Variants in GBF1 observed in about 807,000 individuals in gnomAD.
GBF1 encodes the protein Golgi-specific brefeldin A-resistance guanine nucleotide exchange factor 1.
A neutral mutation model predicts 210.5 loss-of-function variants in GBF1; 114 were observed. The observed-to-expected ratio is 0.54, with a 90% confidence interval of 0.47 to 0.63. The LOEUF (loss-of-function observed/expected upper bound fraction) is 0.63, where lower values mean the gene tolerates loss of function less well. Among genes scored for constraint, GBF1 ranks in the 30% least tolerant of loss-of-function variants. GBF1 has a pLI of 0.00. For synonymous variants in GBF1, 850 were observed against 889.2 expected (o/e 0.96, Z 0.78); for missense variants, 1,851 against 2,357.7 (o/e 0.79, Z 4.45).
rs1451300112 is a variant in GBF1, at chr10:102,368,763, C to T, written c.2904C>T (p.His968=). The T allele has an allele frequency of 2.5e-6, 4 of 1,613,180 alleles. No individual in the cohort carries two copies. Among genetic ancestry groups the T allele is most frequent in the Non-Finnish European group, 3.4e-6 (4 of 1,179,136 alleles). The change falls in exon 23 of 40, where the codon CAC becomes CAT. Residue 968 remains histidine (H), a synonymous_variant. Transcript: ENST00000369983. The part of the protein sequence containing the change: ...GFRKCAMISA[H]YGLSDVFDNL... Reference sequence around the variant, plus strand: ...GGAAGTGCGCCATGATCTCCGCCCACTATGGCCTCAGCGATGTGTTTGACA... The same window carrying T: ...GGAAGTGCGCCATGATCTCCGCCCATTATGGCCTCAGCGATGTGTTTGACA...
chr10:102,353,725 A>G, intron 8 of GBF1, 71 bp downstream of exon 8: 1 of 1,103,194 alleles, frequency 9.1e-7, no homozygotes, highest in East Asian at 2.4e-5. Context: ...CCTTGGGGTA[A>G]CCTTGCTTAG....
At chr10:102,278,047 A>G (rs2075148241) in intron 3 of GBF1, among the ~76,000 whole-genome samples, 1 of 152,126 alleles carries the variant, frequency 6.6e-6, no homozygotes, top group African/African-American at 2.4e-5. Context: ...GCTTGAGGCC[A>G]GGAGTTTGAG....
chr10:102,380,755 C>T (rs1229403293), intron 38 of GBF1, 69 bp downstream of exon 38: 1 of 1,328,030 alleles, frequency 7.5e-7, no homozygotes, highest in Non-Finnish European at 1.0e-6. Context: ...CACCTCTAAT[C>T]CCAGCACTTT....
chr10:102,289,067 C>T (rs1026313535), intron 3 of GBF1, among the ~76,000 whole-genome samples: 17 of 149,800 alleles, frequency 1.1e-4, no homozygotes, highest in Non-Finnish European at 1.9e-4. Context: ...CATGCCACTG[C>T]ACTCCAGTCT....
chr10:102,295,676 A>G (rs2076852461), intron 3 of GBF1, among the ~76,000 whole-genome samples: 1 of 152,240 alleles, frequency 6.6e-6, no homozygotes, highest in South Asian at 2.1e-4. Context: ...GTCTGTTTAC[A>G]TAATTTACAT....
At chr10:102,368,476 T>C (rs770960867) in intron 22 of GBF1, 22 bp downstream of exon 22, 3 of 1,285,288 alleles carry the variant, frequency 2.3e-6, no homozygotes, top group Non-Finnish European at 3.4e-6. Context: ...TTGGCCTTGG[T>C]CTTCACCTCC....
chr10:102,349,759 C>G (rs2058815373), intron 4 of GBF1, among the ~76,000 whole-genome samples: 3 of 152,138 alleles, frequency 2.0e-5, no homozygotes, highest in Admixed American at 1.3e-4. Context: ...AGGAGCTAGG[C>G]AAGACCCTTG....
At chr10:102,307,266 A>G (rs772008) in intron 3 of GBF1, among the ~76,000 whole-genome samples, 50,031 of 151,896 alleles carry the variant, frequency 0.33, 8,868 homozygotes, top group South Asian at 0.48. Context: ...AGATGCCAAG[A>G]GCCTCAGGAT....
rs1487112259 is a variant in GBF1 at position 102,359,448 on chromosome 10, G to T, written c.1180+13G>T. 13 of 1,606,084 alleles carry T rather than the reference G, an allele frequency of 8.1e-6. No homozygotes were observed. The highest frequency in any genetic ancestry group is 1.1e-5 in the Non-Finnish European group (13 of 1,172,864). On this transcript the variant is annotated intron_variant, in intron 11 of 39. Transcript: ENST00000369983. ...TCCCAGAAAGAAGGTGGGTATTCTG[G>T]TAGGCTCTGCCAATTCACCTCCCCC...
At chr10:102,270,858 GTTTTA>G (rs1171021681) in intron 3 of GBF1, among the ~76,000 whole-genome samples, 2 of 151,928 alleles carry the variant, frequency 1.3e-5, no homozygotes, top group African/African-American at 4.8e-5. Context: ...CTTTTTAGAC[GTTTTA>G]TTTTATTTAT....
rs1263151407 is a variant in GBF1, at chr10:102,293,764, G to GTTTTTTTTTTTTT, written c.163+33652_163+33653insTTTTTTTTTTTTT. The stretch of plus-strand genomic sequence containing the variant: ...AAAATATTTTGTACAGCTGTAGTAT[G>GTTTTTTTTTTTTT]TTTTGTGTTTTTTTTTTTTTTTTTT... On this transcript the variant is annotated intron_variant, in intron 3 of 39. Coordinates refer to ENST00000369983, the MANE Select transcript of GBF1 (RefSeq NM_001377137.1). Among the ~76,000 whole-genome samples the GTTTTTTTTTTTTT allele has an allele frequency of 8.4e-3, 425 of 50,854 alleles. 149 individuals carry two copies. The highest frequency in any genetic ancestry group is 0.022 in the South Asian group (22 of 1,020). 33.4% of individuals were successfully genotyped at this position (50,854 alleles called of 152,430 possible).
At chr10:102,369,626 G>A in intron 24 of GBF1, 85 bp from the exon 25 acceptor site, 4 of 1,277,756 alleles carry the variant, frequency 3.1e-6, no homozygotes, top group Non-Finnish European at 4.5e-6. Context: ...GACTAGAGGA[G>A]GAAATCCAGA....
At chr10:102,287,986 C>T (rs978423906) in intron 3 of GBF1, among the ~76,000 whole-genome samples, 11 of 152,086 alleles carry the variant, frequency 7.2e-5, no homozygotes, top group Admixed American at 1.3e-4. Context: ...GCCCTGTCTC[C>T]CTGTCTTCTC....
At position 102,363,175 on chromosome 10, in the gene GBF1, G is replaced by C; in HGVS notation, c.1877-81G>C. 3.7e-6 allele frequency: 5 copies of C among 1,345,352 alleles called. No individual in the cohort carries two copies. The South Asian group carries it at 7.2e-5, about 19-fold the overall frequency. 83.3% of individuals were successfully genotyped at this position (1,345,352 alleles called of 1,614,324 possible). A position where few individuals can be genotyped will look rare whatever the true frequency, so the allele number is the denominator to read the frequency against. Reference sequence around the variant, plus strand: ...GTGCAGGAACCATGCAGGTCTTCTGGGCTTGGGATTTGATCTATCCTGCAG... The same window carrying C: ...GTGCAGGAACCATGCAGGTCTTCTGCGCTTGGGATTTGATCTATCCTGCAG... On this transcript the variant is annotated intron_variant, in intron 15 of 39. Coordinates refer to ENST00000369983, the MANE Select transcript of GBF1 (RefSeq NM_001377137.1). The surrounding 1 kb of genome is among the most constrained non-coding windows in gnomAD (Gnocchi z 4.2).
intron 33 of GBF1, 99 bp from the exon 34 acceptor site, chr10:102,379,185 G>A (rs2060692734): frequency 8.9e-7 from 1 of 1,123,976 alleles, no homozygotes; most frequent in Non-Finnish European, 1.3e-6. Flanking sequence ...TGGTGCTAGG[G>A]ACACCTTGAG....
intron 3 of GBF1, among the ~76,000 whole-genome samples, chr10:102,291,665 T>G (rs2076446985): frequency 6.6e-6 from 1 of 152,182 alleles, no homozygotes; most frequent in Non-Finnish European, 1.5e-5. Context: ...AGACTTGATA[T>G]TTGGCTTCCT....
intron 3 of GBF1, among the ~76,000 whole-genome samples, chr10:102,318,490 GTTA>G (rs1233487520): frequency 6.6e-6 from 1 of 152,032 alleles, no homozygotes; most frequent in Middle Eastern, 3.2e-3. Context: ...GTGCCCAGTG[GTTA>G]TTTAGATTAT....
chr10:102,284,563 A>C (rs1183251915), intron 3 of GBF1, among the ~76,000 whole-genome samples: 1 of 152,064 alleles, frequency 6.6e-6, no homozygotes, highest in East Asian at 1.9e-4. Context: ...AATGTTTTTG[A>C]GGGTCATCCA....
intron 6 of GBF1, 59 bp from the exon 7 acceptor site, chr10:102,352,399 C>T (rs2059046064): frequency 8.6e-7 from 1 of 1,159,726 alleles, no homozygotes; most frequent in Non-Finnish European, 1.3e-6. Context: ...CTCTGAGAAC[C>T]CTCTTGATAA....
Sources: gnomAD v4.1 joint callset for allele counts (sites outside exome capture counted in the v4.1 genomes callset) on GRCh38, gnomAD v4.1.1 for gene constraint, Gnocchi (gnomAD v3.1) non-coding constraint, MANE v1.5 for transcripts, NCBI Gene and HGNC (gene_info 2026-07-23, HGNC 2026-07-21) for gene names.